The following COL14A1 variants were observed in gnomAD, a reference collection of about 807,000 sequenced individuals.
COL14A1 encodes collagen type XIV alpha 1 chain.
Under a neutral mutation model 230.3 loss-of-function variants are expected in COL14A1, and 136 were observed. The ratio of observed to expected loss-of-function variants is 0.59; its 90% CI spans 0.51 to 0.68. The LOEUF (loss-of-function observed/expected upper bound fraction) is 0.68. Ranked by LOEUF, COL14A1 falls within the 30% of genes least tolerant of loss-of-function variation. COL14A1 has a pLI of 0.00. For synonymous variants in COL14A1, 792 were observed against 784.1 expected (o/e 1.01, Z -0.17); for missense variants, 1,976 against 2,215.8 (o/e 0.89, Z 2.17).
chr8:120,158,123 T>C lies in COL14A1; in HGVS notation c.89-7T>C, dbSNP rs746461865. On this transcript the variant is annotated splice_region_variant and splice_polypyrimidine_tract_variant and intron_variant, in intron 2 of 47. Transcript: ENST00000297848. ...ATGTTTACATCATTTTTGTTCTTCC[T>C]TTTCAGTGGCTCCACCCACAAGGTT... The C allele has an allele frequency of 6.8e-7, 1 of 1,469,628 alleles. No individual in the cohort carries two copies. The highest frequency in any genetic ancestry group is 2.0e-5 in the Admixed American group (1 of 51,188). 91.0% of individuals were successfully genotyped at this position (1,469,628 alleles called of 1,614,324 possible).
chr8:120,181,334 T>C (rs534398850), intron 5 of COL14A1, among the ~76,000 whole-genome samples: 22 of 152,270 alleles, frequency 1.4e-4, no homozygotes, highest in Non-Finnish European at 2.9e-4. Flanking sequence ...AAAAGTAAAG[T>C]TTCAATCATA....
chr8:120,331,131 G>A (rs1276256906), intron 40 of COL14A1, among the ~76,000 whole-genome samples: 6 of 147,384 alleles, frequency 4.1e-5, no homozygotes, highest in South Asian at 2.1e-4. Context: ...AAAAAAAAAG[G>A]ATGGATTTTC....
At chr8:120,190,652 C>T (rs1039748769) in intron 5 of COL14A1, among the ~76,000 whole-genome samples, 22 of 152,278 alleles carry the variant, frequency 1.4e-4, no homozygotes, top group African/African-American at 3.4e-4. Flanking sequence ...TGGTAGAATT[C>T]GGCTGTGAAT....
chr8:120,301,206 CT>C (rs1820698993), intron 36 of COL14A1, among the ~76,000 whole-genome samples: 1 of 151,922 alleles, frequency 6.6e-6, no homozygotes, highest in East Asian at 1.9e-4. Flanking sequence ...TTTTTTTAAA[CT>C]TTTACTTTAG....
intron 25 of COL14A1, among the ~76,000 whole-genome samples, chr8:120,267,644 A>G (rs1819537563): frequency 6.6e-6 from 1 of 151,936 alleles, no homozygotes; most frequent in African/African-American, 2.4e-5. Context: ...TGGGATGAAT[A>G]GCACTCGGTG....
intron 10 of COL14A1, 73 bp from the exon 11 acceptor site, chr8:120,208,159 T>G: frequency 6.9e-7 from 1 of 1,440,750 alleles, no homozygotes. Context: ...GCTGGACGTA[T>G]TTTCGCTTTT....
chr8:120,248,877 G>A (rs1818842140), intron 21 of COL14A1, among the ~76,000 whole-genome samples: 1 of 137,904 alleles, frequency 7.3e-6, no homozygotes, highest in Non-Finnish European at 1.6e-5. Flanking sequence ...TAAAATATAA[G>A]CACTTTCTGC....
chr8:120,169,945 A>G (rs7002691), intron 5 of COL14A1, among the ~76,000 whole-genome samples: 43,421 of 151,950 alleles, frequency 0.29, 7,395 homozygotes, highest in African/African-American at 0.48. Context: ...CCTGTCTTGT[A>G]GGAGGCTGCC....
chr8:120,217,913 A>G (rs1468640887), intron 14 of COL14A1, among the ~76,000 whole-genome samples: 1 of 148,726 alleles, frequency 6.7e-6, no homozygotes, highest in Non-Finnish European at 1.5e-5. Flanking sequence ...GAAATACTCT[A>G]TGTTTTGCTT....
intron 25 of COL14A1, 178 bp downstream of exon 25, chr8:120,267,061 A>G: frequency 3.5e-6 from 2 of 576,860 alleles, no homozygotes; most frequent in South Asian, 2.2e-5. Flanking sequence ...TTTAATATCA[A>G]TTCTGCACAC....
At chr8:120,304,778 C>T (rs906290486) in intron 36 of COL14A1, among the ~76,000 whole-genome samples, 2 of 152,122 alleles carry the variant, frequency 1.3e-5, no homozygotes, top group Non-Finnish European at 2.9e-5. Context: ...TTAAGAATAA[C>T]ACCCAGGGTA....
At chr8:120,360,694 A>G (rs1335970232) in intron 45 of COL14A1, among the ~76,000 whole-genome samples, 1 of 152,076 alleles carries the variant, frequency 6.6e-6, no homozygotes, top group African/African-American at 2.4e-5. Flanking sequence ...CATTATAACT[A>G]CTTGTTACCT....
Position 120,251,109 on chromosome 8 carries a change from C to T in COL14A1, c.2752+343C>T, listed in dbSNP as rs1818934119. Among the ~76,000 whole-genome samples, 6 of 152,284 alleles carry T rather than the reference C, an allele frequency of 3.9e-5. No individual in the cohort carries two copies. In the South Asian group the frequency reaches 1.2e-3, roughly 32 times the overall value. ...TGCTTTGTTTTCACTGTAACTTTCA[C>T]TCAACCCTGCTTCCATTTGGTCATT... On this transcript the variant is annotated intron_variant, in intron 22 of 47. Transcript: ENST00000297848.
chr8:120,277,518 C>T (rs1819891958), intron 26 of COL14A1: 1 of 152,080 alleles, frequency 6.6e-6, no homozygotes, highest in African/African-American at 2.4e-5. Context: ...GAATGCCCAT[C>T]AATGGTGGAC....
chr8:120,142,074 T>A lies in COL14A1; in HGVS notation c.-37-5732T>A, dbSNP rs1159233528. ...AGTCTCCTGATCTGAAAAGGAAATT[T>A]TTTTTTTCTCCAAAAAGACAAACGT... On this transcript the variant is annotated intron_variant, in intron 1 of 47. Transcript: ENST00000297848. Among the ~76,000 whole-genome samples the A allele has an allele frequency of 2.0e-5, 3 of 152,242 alleles. No individual in the cohort carries two copies. The East Asian group carries it at 5.8e-4, about 29-fold the overall frequency.
Position 120,253,169 on chromosome 8 carries a change from A to G in COL14A1, c.2753-2071A>G, listed in dbSNP as rs10107111. 9.2e-4 allele frequency among the ~76,000 whole-genome samples: 140 copies of G among 152,182 alleles called. 1 individual carries two copies. The highest frequency in any genetic ancestry group is 3.2e-3 in the African/African-American group (134 of 41,546). On this transcript the variant is annotated intron_variant, in intron 22 of 47. Transcript: ENST00000297848. ...GGATTACAAGCGTGTGCCACCATGC[A>G]TGGCTAATTTTCTATTTTTAGTAAA...
At chr8:120,257,740 A>G (rs1238017850) in intron 23 of COL14A1, among the ~76,000 whole-genome samples, 4 of 152,188 alleles carry the variant, frequency 2.6e-5, no homozygotes, top group Non-Finnish European at 5.9e-5. Context: ...CAAAGGAGAT[A>G]CTAGGAATAA....
At chr8:120,355,189 C>G (rs753321309) in intron 45 of COL14A1, among the ~76,000 whole-genome samples, 1 of 152,166 alleles carries the variant, frequency 6.6e-6, no homozygotes, top group Non-Finnish European at 1.5e-5. Flanking sequence ...CAGATTTCCT[C>G]AATTACAGAT....
intron 40 of COL14A1, among the ~76,000 whole-genome samples, chr8:120,318,987 AG>A (rs1821336445): frequency 6.6e-6 from 1 of 152,262 alleles, no homozygotes; most frequent in South Asian, 2.1e-4. Context: ...CTCTAGGGAA[AG>A]GAGGAGGAAG....
Sources: gnomAD v4.1 joint callset for allele counts (sites outside exome capture counted in the v4.1 genomes callset) on GRCh38, gnomAD v4.1.1 for gene constraint, MANE v1.5 for transcripts, NCBI Gene and HGNC (gene_info 2026-07-23, HGNC 2026-07-21) for gene names.